SCLT1: variants seen among roughly 807,000 people sequenced by gnomAD.
The protein encoded by SCLT1 is sodium channel-associated protein 1.
Under a neutral mutation model 112.8 loss-of-function variants are expected in SCLT1, and 78 were observed. The observed-to-expected ratio is 0.69, with a 90% CI of 0.58 to 0.83. The LOEUF (loss-of-function observed/expected upper bound fraction) is 0.83. Among genes scored for constraint, SCLT1 ranks in the 40% least tolerant of loss-of-function variants. The probability of loss-of-function intolerance (pLI) is 0.00; values close to 1 mark genes in which losing one functional copy is unlikely to be tolerated. For missense variants in SCLT1, 747 were observed against 770.4 expected (o/e 0.97, Z 0.36); for synonymous variants, 257 against 254.7 (o/e 1.01, Z -0.09).
At chr4:129,011,480 A>C (rs1744515795) in intron 5 of SCLT1, among the ~76,000 whole-genome samples, 1 of 152,044 alleles carries the variant, frequency 6.6e-6, no homozygotes. Context: ...CTGTTTTTGT[A>C]CCAGTACCAT....
At chr4:129,030,179 A>T (rs57395525) in intron 5 of SCLT1, among the ~76,000 whole-genome samples, 1 of 152,154 alleles carries the variant, frequency 6.6e-6, no homozygotes, top group South Asian at 2.1e-4. Flanking sequence ...GCACAACTAC[A>T]TGGAAATTAA....
Position 128,951,078 on chromosome 4 carries a change from C to T in SCLT1, c.1218+1691G>A, listed in dbSNP as rs201513506. Among the ~76,000 whole-genome samples, 9 of 152,188 alleles carry T rather than the reference C, an allele frequency of 5.9e-5. No homozygotes were observed. In the East Asian group the frequency reaches 1.5e-3, roughly 26 times the overall value. On this transcript the variant is annotated intron_variant, in intron 14 of 20. Transcript: ENST00000281142. ...TTACTTTTGGATCAGCAAAAGTATG[C>T]ATAACTTCCTTCCTGGACTTCATAG...
chr4:129,029,989 C>A (rs578014601), intron 5 of SCLT1, among the ~76,000 whole-genome samples: 42 of 152,236 alleles, frequency 2.8e-4, no homozygotes, highest in African/African-American at 9.9e-4. Context: ...ACTCTACACC[C>A]CACATCAACA....
intron 14 of SCLT1, 142 bp from the exon 15 acceptor site, chr4:128,948,712 ACT>A: frequency 1.6e-6 from 1 of 625,746 alleles, no homozygotes; most frequent in Non-Finnish European, 2.6e-6. Context: ...ACAAAACAAA[ACT>A]CAATATTTGA....
chr4:128,926,180 G>A (rs1736283231), intron 18 of SCLT1, among the ~76,000 whole-genome samples: 2 of 151,916 alleles, frequency 1.3e-5, no homozygotes, highest in South Asian at 2.1e-4. Flanking sequence ...AGTTACTTGA[G>A]GACCAGCTTG....
At chr4:128,936,598 C>CTAT (rs1168927887) in intron 18 of SCLT1, 57 bp downstream of exon 18, 1 of 1,076,876 alleles carries the variant, frequency 9.3e-7, no homozygotes, top group Non-Finnish European at 1.3e-6. Context: ...GGACATTAAA[C>CTAT]TATAGGTTAA....
At chr4:128,995,005 T>A (rs1457289681) in intron 8 of SCLT1, among the ~76,000 whole-genome samples, 1 of 152,198 alleles carries the variant, frequency 6.6e-6, no homozygotes, top group Non-Finnish European at 1.5e-5. Context: ...TTTCGTTTGC[T>A]GTGCAAAAAC....
chr4:128,942,892 G>T, intron 17 of SCLT1, 104 bp downstream of exon 17: 1 of 755,132 alleles, frequency 1.3e-6, no homozygotes, highest in Non-Finnish European at 2.2e-6. Context: ...CTGATGAGAA[G>T]GCAAAAAAAA....
intron 9 of SCLT1, among the ~76,000 whole-genome samples, chr4:128,974,501 A>G (rs1335950073): frequency 6.6e-6 from 1 of 152,010 alleles, no homozygotes; most frequent in Non-Finnish European, 1.5e-5. Flanking sequence ...CAATGTGGAG[A>G]CAAAGCATGT....
chr4:128,947,711 T>C (rs1357610129), intron 15 of SCLT1, among the ~76,000 whole-genome samples: 1 of 152,188 alleles, frequency 6.6e-6, no homozygotes, highest in African/African-American at 2.4e-5. Context: ...TAAAAAAGCA[T>C]ATGAAAGAGA....
downstream of SCLT1, among the ~76,000 whole-genome samples, chr4:128,881,821 G>GAA (rs1451161948): frequency 6.6e-6 from 1 of 152,012 alleles, no homozygotes; most frequent in Non-Finnish European, 1.5e-5. Context: ...TTTCTGAAAA[G>GAA]AAAAAAACCA....
At chr4:129,027,486 C>A (rs1746224623) in intron 5 of SCLT1, among the ~76,000 whole-genome samples, 1 of 152,084 alleles carries the variant, frequency 6.6e-6, no homozygotes, top group Admixed American at 6.5e-5. Context: ...ACGCTTCATG[C>A]CAAAAACTCT....
At chr4:129,011,536 A>G (rs1206983452) in intron 5 of SCLT1, among the ~76,000 whole-genome samples, 2 of 152,174 alleles carry the variant, frequency 1.3e-5, no homozygotes, top group South Asian at 2.1e-4. Flanking sequence ...GAAGTTGGGC[A>G]GTGTGATGTC....
intron 18 of SCLT1, among the ~76,000 whole-genome samples, chr4:128,898,468 A>C (rs1733974801): frequency 6.6e-6 from 1 of 152,202 alleles, no homozygotes; most frequent in East Asian, 1.9e-4. Flanking sequence ...ATGTTCTTTG[A>C]AACCAACGAG....
intron 18 of SCLT1, 69 bp from the exon 19 acceptor site, chr4:128,891,206 G>A: frequency 8.5e-7 from 1 of 1,173,418 alleles, no homozygotes; most frequent in Non-Finnish European, 1.3e-6. Flanking sequence ...TTATTAGCAA[G>A]ATACATGTTC....
At chr4:128,918,210 T>G (rs977533574) in intron 18 of SCLT1, among the ~76,000 whole-genome samples, 6 of 152,142 alleles carry the variant, frequency 3.9e-5, no homozygotes, top group Non-Finnish European at 2.9e-5. Flanking sequence ...GATAAGATGC[T>G]TAGGAACCAA....
intron 1 of SCLT1, among the ~76,000 whole-genome samples, chr4:129,086,225 A>G (rs948041321): frequency 2.0e-5 from 3 of 151,882 alleles, no homozygotes; most frequent in Admixed American, 1.3e-4. Context: ...CTGTAACTTA[A>G]ATGTTATTAT....
chr4:128,922,729 C>G (rs1004039082), intron 18 of SCLT1, among the ~76,000 whole-genome samples: 2 of 152,030 alleles, frequency 1.3e-5, no homozygotes. Flanking sequence ...ATAGGTATAC[C>G]AAACCCTTGT....
At chr4:128,954,543 G>C (rs1402299161) in intron 13 of SCLT1, among the ~76,000 whole-genome samples, 1 of 152,046 alleles carries the variant, frequency 6.6e-6, no homozygotes, top group Non-Finnish European at 1.5e-5. Context: ...TCAGTCTCCT[G>C]ACCTCGTGAT....
Sources: gnomAD v4.1 joint callset for allele counts (sites outside exome capture counted in the v4.1 genomes callset) on GRCh38, gnomAD v4.1.1 for gene constraint, MANE v1.5 for transcripts, NCBI Gene and HGNC (gene_info 2026-07-23, HGNC 2026-07-21) for gene names.